The following DYNC2I1 variants were observed in gnomAD, a reference collection of about 807,000 sequenced individuals.
DYNC2I1 encodes dynein 2 intermediate chain 1, also known as cytoplasmic dynein 2 intermediate chain 1.
DYNC2I1 carries 89 observed loss-of-function variants against 133.4 expected under a neutral mutation model. That is an observed-to-expected ratio of 0.67 (90% confidence interval 0.56 to 0.80). DYNC2I1 has a LOEUF of 0.80. DYNC2I1 is among the 30% of genes least tolerant of loss of function. The pLI is 0.00. For missense variants in DYNC2I1, 1,291 were observed against 1,314.5 expected (o/e 0.98, Z 0.28); for synonymous variants, 504 against 484.3 (o/e 1.04, Z -0.54).
chr7:158,860,819 A>G (rs977350604), intron 1 of DYNC2I1, among the ~76,000 whole-genome samples: 4 of 152,190 alleles, frequency 2.6e-5, no homozygotes, highest in African/African-American at 9.7e-5. Flanking sequence ...TGAGATATGT[A>G]CTAGTGATGT....
intron 15 of DYNC2I1, among the ~76,000 whole-genome samples, chr7:158,920,686 G>A (rs554993297): frequency 1.6e-4 from 24 of 152,316 alleles, no homozygotes; most frequent in Non-Finnish European, 2.9e-4. Flanking sequence ...GGAGGGTCTT[G>A]TTTGCTTAGT....
At position 158,876,689 on chromosome 7, in the gene DYNC2I1, A is replaced by C; in HGVS notation, c.571A>C (p.Lys191Gln). Residue 191 changes from lysine (K) to glutamine (Q), a missense_variant and splice_region_variant, in exon 4 of 25, where the codon AAG (lysine) becomes CAG (glutamine). By Grantham distance (53) the Lys-to-Gln change is moderately conservative (BLOSUM62 1). Coordinates refer to ENST00000407559, the MANE Select transcript of DYNC2I1 (RefSeq NM_018051.5). ...TAGAGAAAGAAGATACCGAGAAAGA[A>C]AGGTATACGAAGCAAGGCCTGGGGA... ...EDRERRYRER[K>Q]LQYGDSKDNP... 6.4e-7 allele frequency: 1 copy of C among 1,563,518 alleles called. No individual in the cohort carries two copies. Among genetic ancestry groups the C allele is most frequent in the Non-Finnish European group, 8.6e-7 (1 of 1,162,648 alleles).
Position 158,884,569 on chromosome 7 carries a change from T to G in DYNC2I1, c.885T>G (p.Gly295=), listed in dbSNP as rs1225648275. 1.9e-6 allele frequency: 3 copies of G among 1,611,850 alleles called. No homozygotes were observed. Among genetic ancestry groups the G allele is most frequent in the Non-Finnish European group, 2.5e-6 (3 of 1,179,026 alleles). Residue 295 remains glycine, a synonymous_variant, in exon 6 of 25, where the codon GGT becomes GGG. Transcript: ENST00000407559. ...ATTATATTTTTGTTTGATAGAATGG[T>G]GAACACAGAAATCGAGGTGCAAGCT... The part of the protein sequence containing the change: ...DEPRKRESQN[G]EHRNRGASSK...
chr7:158,955,250 G>A (rs1001361750), intron 4 of DYNC2I1, among the ~76,000 whole-genome samples: 2 of 152,218 alleles, frequency 1.3e-5, no homozygotes, highest in African/African-American at 4.8e-5. Context: ...CAGGAGAGCT[G>A]CCGCTGGCTC....
chr7:158,866,930 T>C (rs567232113), intron 1 of DYNC2I1, among the ~76,000 whole-genome samples: 2 of 152,178 alleles, frequency 1.3e-5, no homozygotes, highest in Admixed American at 1.3e-4. Flanking sequence ...TATTACAGCT[T>C]TTTTTGTTTG....
intron 8 of DYNC2I1, among the ~76,000 whole-genome samples, chr7:158,893,522 C>T (rs113927438): frequency 6.6e-6 from 1 of 152,154 alleles, no homozygotes; most frequent in African/African-American, 2.4e-5. Flanking sequence ...TGTTTAATAT[C>T]TCATATAATT....
At chr7:158,923,899 A>G (rs559384108) in intron 17 of DYNC2I1, among the ~76,000 whole-genome samples, 166 bp downstream of exon 17, 9 of 152,236 alleles carry the variant, frequency 5.9e-5, no homozygotes, top group Admixed American at 2.6e-4. Flanking sequence ...ACAGAAATCA[A>G]TTCCAATCAT....
chr7:158,849,399 A>G, the DYNC2I1 span, among the ~76,000 whole-genome samples: 1 of 152,240 alleles, frequency 6.6e-6, no homozygotes, highest in Admixed American at 6.5e-5. Flanking sequence ...ATTGTGTTAC[A>G]GGATCTTTGG....
Position 158,902,600 on chromosome 7 carries a change from A to G in DYNC2I1, c.1357+5A>G. On this transcript the variant is annotated splice_donor_5th_base_variant and intron_variant, in intron 10 of 24. Coordinates refer to ENST00000407559, the MANE Select transcript of DYNC2I1 (RefSeq NM_018051.5). ...TTGAAAAGGAGCCCAGGACAGGTAA[A>G]CAAATCAATGCTACTAATGGTGTCC... 1 of 1,612,764 alleles carries G rather than the reference A, an allele frequency of 6.2e-7. No individual in the cohort carries two copies. The highest frequency in any genetic ancestry group is 8.5e-7 in the Non-Finnish European group (1 of 1,179,416).
intron 23 of DYNC2I1, among the ~76,000 whole-genome samples, chr7:158,938,208 C>A (rs1381158531): frequency 6.6e-6 from 1 of 152,126 alleles, no homozygotes; most frequent in Non-Finnish European, 1.5e-5. Flanking sequence ...AAGAGAAGAT[C>A]CTAAAAGCAG....
rs144527801 is a variant in DYNC2I1, at chr7:158,940,063, A to T, written c.2779-1862A>T. 1.9e-3 allele frequency among the ~76,000 whole-genome samples: 288 copies of T among 152,268 alleles called. 3 individuals carry two copies. The highest frequency in any genetic ancestry group is 0.016 in the South Asian group (78 of 4,820). On this transcript the variant is annotated intron_variant, in intron 23 of 24. Transcript: ENST00000407559. ...TAATAGTAGGGTACTTCAGCACCCC[A>T]CTCTCAGTAATGGACAGATTACCCA...
chr7:158,919,581 G>A (rs1447924953), intron 15 of DYNC2I1, among the ~76,000 whole-genome samples: 2 of 152,178 alleles, frequency 1.3e-5, no homozygotes, highest in Admixed American at 6.5e-5. Flanking sequence ...TAGCAGGTGC[G>A]GGTGTGCTGC....
intron 23 of DYNC2I1, 87 bp from the exon 24 acceptor site, chr7:158,941,838 C>T (rs550180198): frequency 2.2e-4 from 324 of 1,456,306 alleles, no homozygotes; most frequent in Non-Finnish European, 2.8e-4. Context: ...GATTGCACCA[C>T]TGCACTCCAG....
At chr7:158,935,773 A>G (rs1238942254) in intron 23 of DYNC2I1, among the ~76,000 whole-genome samples, 1 of 152,204 alleles carries the variant, frequency 6.6e-6, no homozygotes, top group Non-Finnish European at 1.5e-5. Context: ...AGAATGTAAA[A>G]TGTCTCTTTA....
chr7:158,872,644 C>G (rs1474023213), intron 3 of DYNC2I1, among the ~76,000 whole-genome samples: 1 of 150,332 alleles, frequency 6.7e-6, no homozygotes, highest in Non-Finnish European at 1.5e-5. Context: ...AAAAAAAAAC[C>G]ATTCAGCCAA....
chr7:158,884,512 T>G, intron 5 of DYNC2I1, 52 bp from the exon 6 acceptor site: 1 of 1,558,126 alleles, frequency 6.4e-7, no homozygotes. Flanking sequence ...TTATGCTTAC[T>G]TCATTCCGAT....
chr7:158,844,716 G>A, the DYNC2I1 span, among the ~76,000 whole-genome samples: 2 of 152,072 alleles, frequency 1.3e-5, no homozygotes, highest in Admixed American at 6.6e-5. Flanking sequence ...TCCACCTCCA[G>A]GTTCAAGCGA....
intron 3 of DYNC2I1, among the ~76,000 whole-genome samples, chr7:158,874,936 C>T (rs1843216685): frequency 6.6e-6 from 1 of 152,144 alleles, no homozygotes; most frequent in Non-Finnish European, 1.5e-5. Flanking sequence ...TCCTCGCGTC[C>T]TGAGGTCACA....
Position 158,927,012 on chromosome 7 carries a change from G to A in DYNC2I1, c.2454G>A (p.Lys818=). The A allele has an allele frequency of 6.2e-7, 1 of 1,604,446 alleles. No individual in the cohort carries two copies. Among genetic ancestry groups the A allele is most frequent in the Admixed American group, 1.7e-5 (1 of 59,042 alleles). Residue 818 remains lysine (K), a synonymous_variant, in exon 20 of 25, where the codon AAG becomes AAA. Coordinates refer to ENST00000407559, the MANE Select transcript of DYNC2I1 (RefSeq NM_018051.5). ...TTTAGGTGGTTGTTGAATTACCAAA[G>A]GCAGACATCGCAGGTTCAATAAGTG... The part of the protein sequence containing the change: ...LNVWVVVELP[K]ADIAGSISDL...
Sources: gnomAD v4.1 joint callset for allele counts (sites outside exome capture counted in the v4.1 genomes callset) on GRCh38, gnomAD v4.1.1 for gene constraint, MANE v1.5 for transcripts, NCBI Gene and HGNC (gene_info 2026-07-23, HGNC 2026-07-21) for gene names.